CADM2: variants seen among roughly 807,000 people sequenced by gnomAD.
CADM2 encodes the protein cell adhesion molecule 2.
In CADM2, 12 loss-of-function variants were observed where a neutral mutation model predicts 49.8. The ratio of observed to expected loss-of-function variants is 0.24; its 90% confidence interval spans 0.15 to 0.39. CADM2 has a LOEUF of 0.39. Ranked by LOEUF, CADM2 falls within the 10% of genes least tolerant of loss-of-function variation. The probability of loss-of-function intolerance (pLI) is 1.00; values close to 1 mark genes in which losing one functional copy is unlikely to be tolerated. For synonymous variants in CADM2, 214 were observed against 175.4 expected (o/e 1.22, Z -1.74); for missense variants, 378 against 492.3 (o/e 0.77, Z 2.20).
chr3:84,968,653 G>A (rs2031190553), intron 1 of CADM2, among the ~76,000 whole-genome samples: 1 of 152,028 alleles, frequency 6.6e-6, no homozygotes, highest in African/African-American at 2.4e-5. Context: ...ACTGCTCTAG[G>A]ATTGAAATAA....
intron 1 of CADM2, among the ~76,000 whole-genome samples, chr3:85,488,963 C>A (rs189707111): frequency 1.3e-5 from 2 of 152,190 alleles, no homozygotes; most frequent in East Asian, 1.9e-4. Context: ...TTTTCCTATG[C>A]ATCACTACTA....
At chr3:85,659,773 G>C (rs1252727383) in intron 1 of CADM2, among the ~76,000 whole-genome samples, 1 of 152,002 alleles carries the variant, frequency 6.6e-6, no homozygotes, top group East Asian at 1.9e-4. Flanking sequence ...AGTACACATG[G>C]GATTGCTCTA....
At chr3:85,454,080 C>T (rs182728875) in intron 1 of CADM2, among the ~76,000 whole-genome samples, 229 of 152,188 alleles carry the variant, frequency 1.5e-3, no homozygotes, top group African/African-American at 5.4e-3. Context: ...AGCGGCTGGG[C>T]GTGGAGGCTC....
intron 1 of CADM2, among the ~76,000 whole-genome samples, chr3:85,338,986 T>C (rs1314935355): frequency 1.3e-5 from 2 of 151,488 alleles, no homozygotes; most frequent in Non-Finnish European, 3.0e-5. Flanking sequence ...ATTGAGACCA[T>C]GCATAATTTT....
chr3:85,349,871 C>G (rs2031159344), intron 1 of CADM2, among the ~76,000 whole-genome samples: 1 of 152,094 alleles, frequency 6.6e-6, no homozygotes, highest in Non-Finnish European at 1.5e-5. Flanking sequence ...GGGTTAAAGA[C>G]CATGCCACAA....
chr3:86,007,258 A>C (rs563615718), intron 8 of CADM2, among the ~76,000 whole-genome samples: 1 of 152,222 alleles, frequency 6.6e-6, no homozygotes, highest in East Asian at 1.9e-4. Flanking sequence ...TATTCAAAGC[A>C]GATTTGATAA....
At chr3:85,890,903 A>G (rs1714343998) in intron 5 of CADM2, among the ~76,000 whole-genome samples, 1 of 152,088 alleles carries the variant, frequency 6.6e-6, no homozygotes. Flanking sequence ...TAACTATGAA[A>G]CTTTATGTGT....
intron 3 of CADM2, among the ~76,000 whole-genome samples, chr3:85,817,626 G>A (rs2073292126): frequency 6.6e-6 from 1 of 152,068 alleles, no homozygotes; most frequent in South Asian, 2.1e-4. Context: ...TATAAACTTG[G>A]TAGTCAGGAT....
intron 1 of CADM2, among the ~76,000 whole-genome samples, chr3:85,723,085 G>A (rs2067564889): frequency 2.6e-5 from 4 of 151,982 alleles, no homozygotes; most frequent in African/African-American, 7.2e-5. Flanking sequence ...TCATTCACAT[G>A]ATTTTTCCTC....
chr3:85,598,264 G>C (rs1407610880), intron 1 of CADM2, among the ~76,000 whole-genome samples: 1 of 151,956 alleles, frequency 6.6e-6, no homozygotes, highest in Non-Finnish European at 1.5e-5. Context: ...CTTTAATCTT[G>C]CTTAGAAACT....
chr3:85,991,574 A>G (rs1728774587), intron 8 of CADM2, among the ~76,000 whole-genome samples: 2 of 152,178 alleles, frequency 1.3e-5, no homozygotes, highest in African/African-American at 4.8e-5. Context: ...CTTTAGTATC[A>G]GAAATAATCT....
At chr3:85,876,040 C>T (rs149723095) in intron 3 of CADM2, among the ~76,000 whole-genome samples, 2 of 151,990 alleles carry the variant, frequency 1.3e-5, no homozygotes, top group African/African-American at 2.4e-5. Context: ...GCTGACACCC[C>T]GTGGTTGTTG....
At chr3:85,365,720 A>G (rs927382798) in intron 1 of CADM2, among the ~76,000 whole-genome samples, 2 of 152,200 alleles carry the variant, frequency 1.3e-5, no homozygotes, top group African/African-American at 4.8e-5. Flanking sequence ...TTTTCACTCT[A>G]TTTCAAGCAC....
At chr3:85,728,644 A>G (rs1365392954) in intron 2 of CADM2, among the ~76,000 whole-genome samples, 1 of 152,194 alleles carries the variant, frequency 6.6e-6, no homozygotes, top group East Asian at 1.9e-4. Context: ...AGTACTTACC[A>G]GGGAACCGAG....
At position 86,012,465 on chromosome 3, in the gene CADM2, G is replaced by C. The variant is rs553850157; in HGVS notation, c.970+50818G>C. On this transcript the variant is annotated intron_variant, in intron 8 of 9. Transcript: ENST00000383699. ...GCCCGCGCGCCGGCCCTGCAGAGCC[G>C]GCCGACCTGGCTCTCCTCCGTGACC... The C allele has an allele frequency of 5.7e-6, 4 of 701,336 alleles. No homozygotes were observed. In the East Asian group the frequency reaches 1.5e-4, roughly 27 times the overall value. 43.4% of individuals were successfully genotyped at this position (701,336 alleles called of 1,614,324 possible). A position where few individuals can be genotyped will look rare whatever the true frequency, so the allele number is the denominator to read the frequency against.
intron 1 of CADM2, among the ~76,000 whole-genome samples, chr3:85,701,687 A>T (rs1432244097): frequency 1.3e-5 from 2 of 152,012 alleles, no homozygotes; most frequent in Non-Finnish European, 2.9e-5. Flanking sequence ...TTTTTCAGTC[A>T]TTTTCCTAGA....
At chr3:85,411,998 T>G (rs1263325141) in intron 1 of CADM2, among the ~76,000 whole-genome samples, 1 of 152,082 alleles carries the variant, frequency 6.6e-6, no homozygotes, top group African/African-American at 2.4e-5. Context: ...CAGCTATTTT[T>G]TATATTTTCA....
intron 2 of CADM2, among the ~76,000 whole-genome samples, chr3:85,775,010 A>C (rs945379159): frequency 2.0e-5 from 3 of 151,672 alleles, no homozygotes; most frequent in Non-Finnish European, 4.4e-5. Context: ...TTACATATGC[A>C]CACACACACA....
intron 1 of CADM2, among the ~76,000 whole-genome samples, chr3:85,534,339 A>ATT (rs2061381476): frequency 2.0e-5 from 3 of 152,286 alleles, no homozygotes; most frequent in Admixed American, 2.0e-4. Context: ...GTTAAAATAA[A>ATT]ACATATTAAA....
Sources: allele counts gnomAD v4.1 joint callset (sites outside exome capture counted in the v4.1 genomes callset), GRCh38; gene constraint gnomAD v4.1.1; transcripts MANE v1.5; gene names NCBI Gene and HGNC (gene_info 2026-07-23, HGNC 2026-07-21).